Variants in ZNF317 observed in about 807,000 individuals in gnomAD.
The protein encoded by ZNF317 is zinc finger protein 317.
In ZNF317, 17 loss-of-function variants were observed where a neutral mutation model predicts 23.4. The observed-to-expected ratio is 0.73, with a 90% CI of 0.50 to 1.09. The LOEUF (loss-of-function observed/expected upper bound fraction) is 1.09. ZNF317 is among the 50% of genes least tolerant of loss of function. ZNF317 has a pLI of 0.00. For synonymous variants in ZNF317, 317 were observed against 314.9 expected (o/e 1.01, Z -0.07); for missense variants, 679 against 796.7 (o/e 0.85, Z 1.78).
intron 1 of ZNF317, among the ~76,000 whole-genome samples, chr19:9,147,346 T>TG (rs2050694099): frequency 1.4e-5 from 2 of 142,480 alleles, no homozygotes; most frequent in African/African-American, 5.3e-5. Context: ...TTTTTTTTTT[T>TG]TTTTTTTTTT....
chr19:9,157,431 G>T, intron 4 of ZNF317, 37 bp downstream of exon 4: 1 of 1,612,470 alleles, frequency 6.2e-7, no homozygotes, highest in Non-Finnish European at 8.5e-7. Flanking sequence ...ATTCATCCAT[G>T]AATTAGATGT....
At chr19:9,150,056 C>G (rs945148327) in intron 1 of ZNF317, among the ~76,000 whole-genome samples, 1 of 152,120 alleles carries the variant, frequency 6.6e-6, no homozygotes, top group Admixed American at 6.6e-5. Flanking sequence ...TTGACTTGAG[C>G]CCCTGGGAGG....
At chr19:9,143,651 A>T (rs953698922) in intron 1 of ZNF317, among the ~76,000 whole-genome samples, 1 of 151,932 alleles carries the variant, frequency 6.6e-6, no homozygotes, top group Non-Finnish European at 1.5e-5. Context: ...CATCATGTTC[A>T]ATCTGCACAT....
Position 9,160,451 on chromosome 19 carries a change from C to T in ZNF317, c.806C>T (p.Ala269Val), listed in dbSNP as rs138695573. The T allele has an allele frequency of 6.2e-7, 1 of 1,613,828 alleles. No homozygotes were observed. Reference protein sequence around the residue: ...FNDPSALRSHARTHLKEKPFD... With the variant: ...FNDPSALRSHVRTHLKEKPFD... The stretch of plus-strand genomic sequence containing the variant: ...GACCCTTCAGCCCTTAGGAGCCACG[C>T]AAGAACTCACCTCAAAGAGAAGCCC... Residue 269 changes from alanine (A) to valine (V), a missense_variant, in exon 7 of 7, where the codon GCA (alanine) becomes GTA (valine). By Grantham distance (64) the Ala-to-Val change is moderately conservative (BLOSUM62 0). Transcript: ENST00000247956. This position sits in a 1 kb window ranked among gnomAD's most constrained non-coding sequence, Gnocchi z 6.8.
chr19:9,156,531 G>A lies in ZNF317; in HGVS notation c.26-81G>A, dbSNP rs941342027. On this transcript the variant is annotated intron_variant, in intron 2 of 6. Transcript: ENST00000247956. Reference sequence around the variant, plus strand: ...GGATGTGAACACTCAGAATCAGTGTGGAGCAGTTTCCTGGTTTACAAGTGT... The same window carrying A: ...GGATGTGAACACTCAGAATCAGTGTAGAGCAGTTTCCTGGTTTACAAGTGT... The A allele has an allele frequency of 2.0e-6, 3 of 1,524,676 alleles. No homozygotes were observed. In the African/African-American group the frequency reaches 4.1e-5, roughly 21 times the overall value. The allele number at this position is 1,524,676 out of a possible 1,614,324, so 94.4% of individuals were successfully genotyped here. A position where few individuals can be genotyped will look rare whatever the true frequency, so the allele number is the denominator to read the frequency against.
At chr19:9,153,877 T>C (rs904346839) in intron 1 of ZNF317, among the ~76,000 whole-genome samples, 1 of 152,034 alleles carries the variant, frequency 6.6e-6, no homozygotes, top group Non-Finnish European at 1.5e-5. Context: ...GGATGCTGGG[T>C]GTACTGAATT....
In ZNF317 at chr19:9,160,356, C is replaced by G; in HGVS notation, c.711C>G (p.Leu237=). 1 of 1,614,210 alleles carries G rather than the reference C, an allele frequency of 6.2e-7. No individual in the cohort carries two copies. Among genetic ancestry groups the G allele is most frequent in the Non-Finnish European group, 8.5e-7 (1 of 1,180,046 alleles). The part of the protein sequence containing the change: ...CQKAFTTSAS[L]TRHRRIHTGE... ...AAGCCTTCACCACGAGCGCGTCCCT[C>G]ACACGGCACAGGAGAATCCACACCG... Residue 237 remains leucine, a synonymous_variant, in exon 7 of 7, where the codon CTC becomes CTG. Transcript: ENST00000247956. The surrounding 1 kb of genome is among the most constrained non-coding windows in gnomAD (Gnocchi z 6.8).
chr19:9,161,753 A>G lies in ZNF317; in HGVS notation c.*320A>G. 3.3e-6 allele frequency: 1 copy of G among 300,430 alleles called. No homozygotes were observed. The highest frequency in any genetic ancestry group is 4.8e-5 in the South Asian group (1 of 20,812). 18.6% of individuals were successfully genotyped at this position (300,430 alleles called of 1,614,324 possible). On this transcript the variant is annotated 3_prime_UTR_variant, in exon 7 of 7. Coordinates refer to ENST00000247956, the MANE Select transcript of ZNF317 (RefSeq NM_020933.5). The surrounding 1 kb of genome is among the most constrained non-coding windows in gnomAD (Gnocchi z 4.0). ...ATCCAAGCCGTGGCATTTAATGTCA[A>G]AATGACTTCAGACCACTTCTAGCCT...
In ZNF317 at chr19:9,160,095, C is replaced by G; in HGVS notation, c.469-19C>G. ...AATATGAGAATTGCCTTTGTCAGCACTTACGTCTTAACCAACAGGAAAGAG... is the reference window on the plus strand; with the variant it reads ...AATATGAGAATTGCCTTTGTCAGCAGTTACGTCTTAACCAACAGGAAAGAG... On this transcript the variant is annotated intron_variant, in intron 6 of 6. Coordinates refer to ENST00000247956, the MANE Select transcript of ZNF317 (RefSeq NM_020933.5). This position sits in a 1 kb window ranked among gnomAD's most constrained non-coding sequence, Gnocchi z 6.8. The G allele has an allele frequency of 1.9e-6, 3 of 1,613,150 alleles. No homozygotes were observed. The highest frequency in any genetic ancestry group is 2.5e-6 in the Non-Finnish European group (3 of 1,179,160).
chr19:9,147,901 G>T (rs1252069597), intron 1 of ZNF317, among the ~76,000 whole-genome samples: 1 of 152,116 alleles, frequency 6.6e-6, no homozygotes, highest in African/African-American at 2.4e-5. Context: ...GGTGGGGGGC[G>T]ATTGGATCAG....
chr19:9,147,342 T>TTGTTGTTG (rs1023715572), intron 1 of ZNF317, among the ~76,000 whole-genome samples: 7 of 106,066 alleles, frequency 6.6e-5, no homozygotes, highest in African/African-American at 2.4e-4. Context: ...TTTTTTTTTT[T>TTGTTGTTG]TTTTTTTTTT....
Position 9,161,063 on chromosome 19 carries a change from G to A in ZNF317, c.1418G>A (p.Arg473His), listed in dbSNP as rs766123277. 12 of 1,614,120 alleles carry A rather than the reference G, an allele frequency of 7.4e-6. No homozygotes were observed. The South Asian group carries it at 9.9e-5, about 13-fold the overall frequency. The stretch of plus-strand genomic sequence containing the variant: ...AGGAAGATACACACGCAAGAGAGAC[G>A]CTACGAATGCGCCGCCTGCGGGAAA... ...AHRKIHTQER[R>H]YECAACGKVF... Residue 473 changes from arginine (R) to histidine (H), a missense_variant, in exon 7 of 7, where the codon CGC (arginine) becomes CAC (histidine). By Grantham distance (29) the Arg-to-His change is conservative. Transcript: ENST00000247956. The surrounding 1 kb of genome is among the most constrained non-coding windows in gnomAD (Gnocchi z 4.0).
At chr19:9,155,750 C>T (rs79914735) in intron 1 of ZNF317, among the ~76,000 whole-genome samples, 175 bp from the exon 2 acceptor site, 2 of 152,146 alleles carry the variant, frequency 1.3e-5, no homozygotes, top group Non-Finnish European at 2.9e-5. Context: ...GCTGTCCCCC[C>T]ACCACATCAC....
In ZNF317 at chr19:9,142,129, CA is replaced by C. The variant is rs761087245; in HGVS notation, c.-93+1542del. The stretch of plus-strand genomic sequence containing the variant: ...CTCAGTAAAGTTTTATAAGTACCTG[CA>C]AAAAGGATTTAGGTTGTTTTTGTTA... On this transcript the variant is annotated intron_variant, in intron 1 of 6. Coordinates refer to ENST00000247956, the MANE Select transcript of ZNF317 (RefSeq NM_020933.5). Among the ~76,000 whole-genome samples, 27 of 152,176 alleles carry C rather than the reference CA, an allele frequency of 1.8e-4. 1 individual carries two copies. Among genetic ancestry groups the C allele is most frequent in the Admixed American group, 1.1e-3 (17 of 15,284 alleles).
Position 9,161,376 on chromosome 19 carries a change from G to A in ZNF317, c.1731G>A (p.Val577=). ...FSDHSSLRSH[V]KTHRGEKLFV... ...ACCACTCATCCCTCAGGAGCCACGT[G>A]AAAACTCACCGGGGAGAGAAGCTCT... The change falls in exon 7 of 7, where the codon GTG becomes GTA. Residue 577 remains valine, a synonymous_variant. Transcript: ENST00000247956. The surrounding 1 kb of genome is among the most constrained non-coding windows in gnomAD (Gnocchi z 4.0). 1 of 1,614,196 alleles carries A rather than the reference G, an allele frequency of 6.2e-7. No homozygotes were observed. The highest frequency in any genetic ancestry group is 8.5e-7 in the Non-Finnish European group (1 of 1,180,024).
chr19:9,152,723 T>A (rs900682552), intron 1 of ZNF317, among the ~76,000 whole-genome samples: 3 of 152,210 alleles, frequency 2.0e-5, no homozygotes, highest in Admixed American at 1.3e-4. Flanking sequence ...TACAATGTAA[T>A]AATAATAGAA....
In ZNF317 at chr19:9,160,921, A is replaced by T; in HGVS notation, c.1276A>T (p.Thr426Ser). 6.2e-7 allele frequency: 1 copy of T among 1,614,124 alleles called. No individual in the cohort carries two copies. The highest frequency in any genetic ancestry group is 1.7e-5 in the Admixed American group (1 of 60,016). ...KPVECRQCGK[T>S]FRNQSILKTH... is the part of the protein sequence containing the mutation. Reference sequence around the variant, plus strand: ...CGTGGAATGTCGGCAGTGCGGGAAGACCTTCCGAAACCAGTCCATCCTTAA... The same window carrying T: ...CGTGGAATGTCGGCAGTGCGGGAAGTCCTTCCGAAACCAGTCCATCCTTAA... The change falls in exon 7 of 7, where the codon ACC becomes TCC. Residue 426 changes from threonine (T) to serine (S), a missense_variant. By Grantham distance (58) the Thr-to-Ser change is moderately conservative (BLOSUM62 1). Transcript: ENST00000247956. This position sits in a 1 kb window ranked among gnomAD's most constrained non-coding sequence, Gnocchi z 6.8.
Position 9,161,379 on chromosome 19 carries a change from A to G in ZNF317, c.1734A>G (p.Lys578=), listed in dbSNP as rs1417953374. ...ACTCATCCCTCAGGAGCCACGTGAA[A>G]ACTCACCGGGGAGAGAAGCTCTTTG... ...SDHSSLRSHV[K]THRGEKLFVS... The change falls in exon 7 of 7, where the codon AAA becomes AAG. Residue 578 remains lysine (K), a synonymous_variant. Coordinates refer to ENST00000247956, the MANE Select transcript of ZNF317 (RefSeq NM_020933.5). This position sits in a 1 kb window ranked among gnomAD's most constrained non-coding sequence, Gnocchi z 4.0. 2 of 1,614,014 alleles carry G rather than the reference A, an allele frequency of 1.2e-6. No individual in the cohort carries two copies. The highest frequency in any genetic ancestry group is 2.7e-5 in the African/African-American group (2 of 74,934).
chr19:9,154,735 T>C (rs940438550), intron 1 of ZNF317, among the ~76,000 whole-genome samples: 4 of 152,202 alleles, frequency 2.6e-5, no homozygotes, highest in African/African-American at 9.7e-5. Flanking sequence ...TATATAAATA[T>C]CTAGGAGCAG....
Sources: gnomAD v4.1 joint callset for allele counts (sites outside exome capture counted in the v4.1 genomes callset) on GRCh38, gnomAD v4.1.1 for gene constraint, Gnocchi (gnomAD v3.1) non-coding constraint, MANE v1.5 for transcripts, NCBI Gene and HGNC (gene_info 2026-07-23, HGNC 2026-07-21) for gene names.